PDZD2: variants seen among roughly 807,000 people sequenced by gnomAD.
PDZD2 encodes PDZ domain-containing protein 2.
Under a neutral mutation model 220.7 loss-of-function variants are expected in PDZD2, and 90 were observed. The ratio of observed to expected loss-of-function variants is 0.41; its 90% confidence interval spans 0.34 to 0.49. The LOEUF is 0.49. Among genes scored for constraint, PDZD2 ranks in the 20% least tolerant of loss-of-function variants. The pLI is 0.28. For synonymous variants in PDZD2, 1,375 were observed against 1,450.5 expected, an observed-to-expected ratio of 0.95 and a Z score of 1.18; for missense variants, 3,174 against 3,608.5, an observed-to-expected ratio of 0.88 and a Z score of 3.08.
At chr5:31,853,398 C>T (rs1308116533) in intron 2 of PDZD2, among the ~76,000 whole-genome samples, 1 of 152,162 alleles carries the variant, frequency 6.6e-6, no homozygotes, top group Admixed American at 6.5e-5. Context: ...GTTCTGTTTC[C>T]TTTTGGTTCT....
intron 2 of PDZD2, among the ~76,000 whole-genome samples, chr5:31,969,088 A>G (rs1295551633): frequency 1.3e-5 from 2 of 152,154 alleles, no homozygotes; most frequent in East Asian, 3.9e-4. Flanking sequence ...GGAATGGTAG[A>G]TACTCACTGG....
At chr5:31,967,747 G>A (rs1748883561) in intron 2 of PDZD2, among the ~76,000 whole-genome samples, 1 of 152,146 alleles carries the variant, frequency 6.6e-6, no homozygotes, top group Admixed American at 6.5e-5. Flanking sequence ...GGATGCCCTG[G>A]ATTTTCTGTT....
At chr5:31,781,454 G>C (rs1047534184) in intron 1 of PDZD2, among the ~76,000 whole-genome samples, 1 of 152,212 alleles carries the variant, frequency 6.6e-6, no homozygotes, top group Non-Finnish European at 1.5e-5. Context: ...CCAGGCTTCT[G>C]TTAGGGGGTA....
chr5:31,916,411 C>T (rs1395744057), intron 2 of PDZD2, among the ~76,000 whole-genome samples: 1 of 152,192 alleles, frequency 6.6e-6, no homozygotes, highest in Admixed American at 6.5e-5. Flanking sequence ...GGTTCTACTC[C>T]CACTGGGTCC....
chr5:31,823,352 C>G (rs1756021525), intron 2 of PDZD2, among the ~76,000 whole-genome samples: 1 of 151,750 alleles, frequency 6.6e-6, no homozygotes. Flanking sequence ...CCTGTAATCC[C>G]AACTACTTGG....
chr5:31,925,099 C>T (rs759191320), intron 2 of PDZD2, among the ~76,000 whole-genome samples: 4 of 152,158 alleles, frequency 2.6e-5, no homozygotes, highest in Admixed American at 6.5e-5. Flanking sequence ...CTGCAATGAC[C>T]GGCAGGAGGG....
chr5:31,915,576 G>A (rs1001102831), intron 2 of PDZD2, among the ~76,000 whole-genome samples: 9 of 152,292 alleles, frequency 5.9e-5, no homozygotes, highest in African/African-American at 1.9e-4. Flanking sequence ...CCCTGAAGGC[G>A]GGCAAGCTTA....
chr5:31,902,726 G>T (rs527457403), intron 2 of PDZD2, among the ~76,000 whole-genome samples: 162 of 151,712 alleles, frequency 1.1e-3, no homozygotes, highest in Middle Eastern at 3.4e-3. Flanking sequence ...AATTAGCCGG[G>T]TGCAGTGGCA....
intron 1 of PDZD2, among the ~76,000 whole-genome samples, chr5:31,783,192 T>G (rs749451788): frequency 1.3e-5 from 2 of 152,222 alleles, no homozygotes; most frequent in African/African-American, 2.4e-5. Flanking sequence ...GAGTCATTCC[T>G]CACTGGCTTA....
At chr5:31,946,623 A>G (rs1581137264) in intron 2 of PDZD2, among the ~76,000 whole-genome samples, 1 of 152,182 alleles carries the variant, frequency 6.6e-6, no homozygotes, top group East Asian at 1.9e-4. Context: ...TCTTTACCGA[A>G]CAACTGTCAT....
chr5:31,859,376 C>T (rs1737469417), intron 2 of PDZD2, among the ~76,000 whole-genome samples: 1 of 152,120 alleles, frequency 6.6e-6, no homozygotes, highest in East Asian at 1.9e-4. Context: ...CTTATACTTT[C>T]TATCTCCTTT....
intron 7 of PDZD2, among the ~76,000 whole-genome samples, chr5:32,040,928 C>T (rs375712159): frequency 0.011 from 1,507 of 133,522 alleles, 5 homozygotes; most frequent in South Asian, 0.015. Flanking sequence ...CACCTCTGCC[C>T]GGCTGCCACC....
At chr5:31,790,931 C>T (rs942840439) in intron 1 of PDZD2, among the ~76,000 whole-genome samples, 3 of 151,800 alleles carry the variant, frequency 2.0e-5, no homozygotes, top group Non-Finnish European at 4.4e-5. Flanking sequence ...ATCTCCTGAC[C>T]TCGTGATCCG....
intron 2 of PDZD2, among the ~76,000 whole-genome samples, chr5:31,940,775 TG>T (rs1490980362): frequency 6.6e-6 from 1 of 152,196 alleles, no homozygotes; most frequent in Non-Finnish European, 1.5e-5. Context: ...AGAATCCGTT[TG>T]GTAAAAAGTC....
chr5:31,884,271 G>A (rs996032613), intron 2 of PDZD2, among the ~76,000 whole-genome samples: 16 of 129,340 alleles, frequency 1.2e-4, no homozygotes, highest in African/African-American at 6.3e-4. Flanking sequence ...ATCCTGGGTT[G>A]GGTTCACAGA....
At chr5:31,665,651 C>CCCA (rs1554060786) in intron 1 of PDZD2, among the ~76,000 whole-genome samples, 1 of 144,046 alleles carries the variant, frequency 6.9e-6, no homozygotes, top group Non-Finnish European at 1.5e-5. Flanking sequence ...CCCTCCCCCC[C>CCCA]CTCCCTTTCC....
chr5:31,653,689 C>T (rs968620225), intron 1 of PDZD2, among the ~76,000 whole-genome samples: 18 of 152,304 alleles, frequency 1.2e-4, no homozygotes, highest in Admixed American at 3.3e-4. Context: ...ACACGTGCAG[C>T]CCAATTCATT....
At chr5:31,850,208 AT>A (rs2150297172) in intron 2 of PDZD2, among the ~76,000 whole-genome samples, 1 of 115,356 alleles carries the variant, frequency 8.7e-6, no homozygotes, top group African/African-American at 3.8e-5. Flanking sequence ...ATATAAGTAT[AT>A]ATGTGTATAT....
rs114494129 is a variant in PDZD2 at position 31,852,278 on chromosome 5, T to G, written c.476+52554T>G. 8.2e-3 allele frequency among the ~76,000 whole-genome samples: 1,247 copies of G among 152,128 alleles called. 7 individuals are homozygous for G. Among genetic ancestry groups the G allele is most frequent in the Non-Finnish European group, 0.014 (925 of 68,000 alleles). The stretch of plus-strand genomic sequence containing the variant: ...AAAACCATACATTTATTTTTATTAT[T>G]TATTTATTTTATTTATTTTTGAGAC... On this transcript the variant is annotated intron_variant, in intron 2 of 24. Coordinates refer to ENST00000438447, the MANE Select transcript of PDZD2 (RefSeq NM_178140.4).
Sources: allele counts gnomAD v4.1 joint callset (sites outside exome capture counted in the v4.1 genomes callset), GRCh38; gene constraint gnomAD v4.1.1; transcripts MANE v1.5; gene names NCBI Gene and HGNC (gene_info 2026-07-23, HGNC 2026-07-21).